The following KIR2DL1 variants were observed in gnomAD, a reference collection of about 807,000 sequenced individuals.
The protein encoded by KIR2DL1 is killer cell immunoglobulin like receptor, two Ig domains and long cytoplasmic tail 1.
KIR2DL1 carries 38 observed loss-of-function variants against 33.9 expected under a neutral mutation model. That is an observed-to-expected ratio of 1.12 (90% confidence interval 0.86 to 1.47). The LOEUF (loss-of-function observed/expected upper bound fraction) is 1.47, where lower values mean the gene tolerates loss of function less well. Among genes scored for constraint, KIR2DL1 ranks in the 40% most tolerant of loss-of-function variants. The pLI, the probability that KIR2DL1 is intolerant of heterozygous loss-of-function variation, is 0.00. For missense variants in KIR2DL1, 531 were observed against 433.9 expected, an observed-to-expected ratio of 1.22 and a Z score of -1.99; for synonymous variants, 179 against 165.9, an observed-to-expected ratio of 1.08 and a Z score of -0.61.
intron 2 of KIR2DL1, 91 bp from the exon 3 acceptor site, chr19:54,773,242 A>T: frequency 7.4e-7 from 1 of 1,354,860 alleles, no homozygotes; most frequent in Non-Finnish European, 1.0e-6. Context: ...GAGAGATAAG[A>T]CACCAGGAAG....
At chr19:54,771,958 C>T (rs1333171020) in intron 2 of KIR2DL1, among the ~76,000 whole-genome samples, 4 of 147,774 alleles carry the variant, frequency 2.7e-5, no homozygotes, top group African/African-American at 9.9e-5. Flanking sequence ...TCCTGGTGGG[C>T]GTGTCCTTGC....
chr19:54,773,975 A>G (rs1258260750), intron 3 of KIR2DL1, among the ~76,000 whole-genome samples: 1 of 148,874 alleles, frequency 6.7e-6, no homozygotes, highest in African/African-American at 2.5e-5. Context: ...TTTTACCTCC[A>G]CAAAGTGTTC....
intron 4 of KIR2DL1, among the ~76,000 whole-genome samples, chr19:54,777,876 T>C (rs1329435930): frequency 6.8e-6 from 1 of 148,024 alleles, no homozygotes; most frequent in African/African-American, 2.5e-5. Flanking sequence ...TGCAGTTTCA[T>C]TCCTCTGCAT....
intron 5 of KIR2DL1, among the ~76,000 whole-genome samples, chr19:54,780,524 T>C (rs2076819399): frequency 1.4e-5 from 2 of 143,860 alleles, no homozygotes; most frequent in South Asian, 2.3e-4. Context: ...CTCACAGCCA[T>C]TGGATTCACC....
chr19:54,775,499 G>C (rs569095311), intron 4 of KIR2DL1, 41 bp downstream of exon 4: 2 of 1,533,220 alleles, frequency 1.3e-6, no homozygotes, highest in African/African-American at 1.4e-5. Context: ...TATGATCCTA[G>C]AGCCTTAGCT....
rs113625567 is a variant in KIR2DL1 at position 54,776,547 on chromosome 19, C to T, written c.664+1089C>T. On this transcript the variant is annotated intron_variant, in intron 4 of 7. Transcript: ENST00000336077. ...TGTGAACAGTGCTGCACCAATCATA[C>T]GAGTGCAGATATCACTTCGATATGT... Among the ~76,000 whole-genome samples, 8 of 146,592 alleles carry T rather than the reference C, an allele frequency of 5.5e-5. No individual in the cohort carries two copies. In the South Asian group the frequency reaches 1.1e-3, roughly 20 times the overall value.
chr19:54,771,145 A>C (rs2075671452), intron 2 of KIR2DL1, among the ~76,000 whole-genome samples: 1 of 148,430 alleles, frequency 6.7e-6, no homozygotes, highest in African/African-American at 2.5e-5. Context: ...TCCTCTGAGG[A>C]CAAAGGTGTT....
chr19:54,779,911 T>C, intron 5 of KIR2DL1, among the ~76,000 whole-genome samples: 1 of 134,116 alleles, frequency 7.5e-6, no homozygotes, highest in East Asian at 2.0e-4. Context: ...TGTTCTTTTG[T>C]TTATTGAGAC....
chr19:54,774,676 TA>T (rs1169527202), intron 3 of KIR2DL1, among the ~76,000 whole-genome samples: 4 of 147,194 alleles, frequency 2.7e-5, no homozygotes, highest in African/African-American at 9.9e-5. Flanking sequence ...AGAGAAATCA[TA>T]GAGAGAGAGA....
intron 5 of KIR2DL1, chr19:54,780,134 C>A: frequency 1.9e-6 from 1 of 527,438 alleles, no homozygotes; most frequent in South Asian, 2.3e-5. Context: ...AAACTCCCAA[C>A]CTCAAGTGAT....
rs142432377 is a variant in KIR2DL1 at position 54,775,322 on chromosome 19, G to C, written c.528G>C (p.Lys176Asn). Residue 176 changes from lysine to asparagine, a missense_variant, in exon 4 of 8, where the codon AAG (lysine) becomes AAC (asparagine). By Grantham distance (94) the Lys-to-Asn change is moderately conservative. Transcript: ENST00000336077. ...AHERRLPAGPKVNGTFQADFP... is the reference protein window; with the variant it reads ...AHERRLPAGPNVNGTFQADFP... ...AACGTAGGCTCCCTGCAGGGCCCAA[G>C]GTCAACGGAACATTCCAGGCTGACT... The C allele has an allele frequency of 2.2e-6, 3 of 1,344,986 alleles. 1 individual carries two copies. In the South Asian group the frequency reaches 3.9e-5, roughly 17 times the overall value. The allele number at this position is 1,344,986 out of a possible 1,614,324, so 83.3% of individuals were successfully genotyped here. A position where few individuals can be genotyped will look rare whatever the true frequency, so the allele number is the denominator to read the frequency against.
chr19:54,775,765 C>T (rs1390316327), intron 4 of KIR2DL1, among the ~76,000 whole-genome samples: 1 of 148,870 alleles, frequency 6.7e-6, no homozygotes, highest in Non-Finnish European at 1.5e-5. Context: ...CTCAACCTTA[C>T]CCATTTCCCA....
chr19:54,770,906 CG>C lies in KIR2DL1; in HGVS notation c.70+25del, dbSNP rs1220491371. On this transcript the variant is annotated intron_variant, in intron 2 of 7. Transcript: ENST00000336077. ...GAGGGTGAGTCCTTCTCCCAACCTT[CG>C]GGTGTCATCTCCCCACATAAGAGGA... The C allele has an allele frequency of 3.8e-6, 6 of 1,576,402 alleles. 1 individual carries two copies. The East Asian group carries it at 9.0e-5, about 24-fold the overall frequency.
intron 2 of KIR2DL1, among the ~76,000 whole-genome samples, chr19:54,771,094 A>G (rs2075664907): frequency 6.7e-6 from 1 of 148,406 alleles, no homozygotes; most frequent in Non-Finnish European, 1.5e-5. Flanking sequence ...TACGGTGCTC[A>G]AAGCTGGGGT....
At position 54,776,222 on chromosome 19, in the gene KIR2DL1, G is replaced by A. The variant is rs1328316561; in HGVS notation, c.664+764G>A. Reference sequence around the variant, plus strand: ...CCATTTTTAAGTGTAAAGTCTAGTGGTCATAAATACATTTTTATATATATA... The same window carrying A: ...CCATTTTTAAGTGTAAAGTCTAGTGATCATAAATACATTTTTATATATATA... On this transcript the variant is annotated intron_variant, in intron 4 of 7. Transcript: ENST00000336077. Among the ~76,000 whole-genome samples, 33 of 144,550 alleles carry A rather than the reference G, an allele frequency of 2.3e-4. 1 individual carries two copies. Among genetic ancestry groups the A allele is most frequent in the African/African-American group, 6.4e-4 (25 of 39,144 alleles). The allele number at this position is 144,550 out of a possible 152,430, so 94.8% of individuals were successfully genotyped here.
At position 54,771,210 on chromosome 19, in the gene KIR2DL1, A is replaced by G. The variant is rs2075679598; in HGVS notation, c.70+326A>G. 1.3e-5 allele frequency among the ~76,000 whole-genome samples: 2 copies of G among 148,622 alleles called. 1 individual carries two copies. Among genetic ancestry groups the G allele is most frequent in the African/African-American group, 4.9e-5 (2 of 40,748 alleles). The stretch of plus-strand genomic sequence containing the variant: ...TAGGGGCTGCAGTGTGGCTGCTGTC[A>G]TTCTACCAGAAGAGGTGGGAAAACC... On this transcript the variant is annotated intron_variant, in intron 2 of 7. Coordinates refer to ENST00000336077, the MANE Select transcript of KIR2DL1 (RefSeq NM_014218.3).
rs1327215962 is a variant in KIR2DL1 at position 54,783,933 on chromosome 19, G to T, written c.*120G>T. Reference sequence around the variant, plus strand: ...TGAAGGCGTGAGTCTGCATCTTAGGGCATCGATCTTCCTCACACCACAAAT... The same window carrying T: ...TGAAGGCGTGAGTCTGCATCTTAGGTCATCGATCTTCCTCACACCACAAAT... On this transcript the variant is annotated 3_prime_UTR_variant, in exon 8 of 8. Transcript: ENST00000336077. The T allele has an allele frequency of 7.8e-6, 11 of 1,408,134 alleles. No homozygotes were observed. The Admixed American group carries it at 1.9e-4, about 24-fold the overall frequency. 87.2% of individuals were successfully genotyped at this position (1,408,134 alleles called of 1,614,324 possible). A position where few individuals can be genotyped will look rare whatever the true frequency, so the allele number is the denominator to read the frequency against.
chr19:54,771,527 G>C lies in KIR2DL1; in HGVS notation c.70+643G>C, dbSNP rs1338081635. ...GTGTGATAGCAGCCATAGAAACTTG[G>C]AAAGCGAGGAGAATCTTCAGAGCAC... On this transcript the variant is annotated intron_variant, in intron 2 of 7. Transcript: ENST00000336077. Among the ~76,000 whole-genome samples the C allele has an allele frequency of 2.0e-5, 3 of 147,188 alleles. No homozygotes were observed. The East Asian group carries it at 5.9e-4, about 29-fold the overall frequency.
At chr19:54,772,282 T>C (rs1457033996) in intron 2 of KIR2DL1, among the ~76,000 whole-genome samples, 1 of 146,994 alleles carries the variant, frequency 6.8e-6, no homozygotes, top group Non-Finnish European at 1.5e-5. Context: ...CTCCATCAGC[T>C]TTGAAGGTGG....
Sources: allele counts gnomAD v4.1 joint callset (sites outside exome capture counted in the v4.1 genomes callset), GRCh38; gene constraint gnomAD v4.1.1; transcripts MANE v1.5; gene names NCBI Gene and HGNC (gene_info 2026-07-23, HGNC 2026-07-21).